Variants in GSTCD observed in about 807,000 individuals in gnomAD.
GSTCD encodes glutathione S-transferase C-terminal domain-containing protein.
Under a neutral mutation model 68.3 loss-of-function variants are expected in GSTCD, and 44 were observed. The ratio of observed to expected loss-of-function variants is 0.64; its 90% confidence interval spans 0.51 to 0.83. GSTCD has a LOEUF of 0.83. Ranked by LOEUF, GSTCD falls within the 40% of genes least tolerant of loss-of-function variation. The pLI is 0.00. For synonymous variants in GSTCD, 273 were observed against 255.2 expected (o/e 1.07, Z -0.67); for missense variants, 739 against 735.9 (o/e 1.00, Z -0.05).
chr4:105,782,328 T>C (rs1735305272), intron 5 of GSTCD, among the ~76,000 whole-genome samples: 2 of 152,066 alleles, frequency 1.3e-5, no homozygotes, highest in South Asian at 2.1e-4. Context: ...CAAGATCTCA[T>C]TTCTACAAAA....
chr4:105,828,927 T>C (rs544460250), intron 8 of GSTCD, among the ~76,000 whole-genome samples: 2 of 152,236 alleles, frequency 1.3e-5, no homozygotes, highest in African/African-American at 4.8e-5. Flanking sequence ...GTTTATTCTG[T>C]AGAAGAAACT....
chr4:105,832,331 G>A (rs1247482363), intron 8 of GSTCD, among the ~76,000 whole-genome samples: 1 of 152,056 alleles, frequency 6.6e-6, no homozygotes, highest in Admixed American at 6.5e-5. Context: ...AAAACTAGGA[G>A]CATGTGATGC....
At chr4:105,831,902 C>T (rs1302625790) in intron 8 of GSTCD, among the ~76,000 whole-genome samples, 1 of 152,124 alleles carries the variant, frequency 6.6e-6, no homozygotes, top group African/African-American at 2.4e-5. Context: ...CACCGTTGCA[C>T]TCCACCCTGG....
chr4:105,714,450 A>G (rs1307075341), intron 1 of GSTCD, among the ~76,000 whole-genome samples: 2 of 150,622 alleles, frequency 1.3e-5, no homozygotes, highest in Non-Finnish European at 2.9e-5. Context: ...CTAGAAAAGA[A>G]AAAAGAGGAA....
chr4:105,812,131 CT>C (rs1722777844), intron 5 of GSTCD, among the ~76,000 whole-genome samples: 1 of 152,124 alleles, frequency 6.6e-6, no homozygotes, highest in Admixed American at 6.5e-5. Flanking sequence ...TAATAGACAT[CT>C]TTCTGATAAA....
At chr4:105,756,788 A>G (rs1734213279) in intron 5 of GSTCD, among the ~76,000 whole-genome samples, 1 of 152,080 alleles carries the variant, frequency 6.6e-6, no homozygotes, top group African/African-American at 2.4e-5. Flanking sequence ...GAGAGACATT[A>G]GAGATCACCT....
intron 5 of GSTCD, among the ~76,000 whole-genome samples, chr4:105,791,370 G>A (rs1735665389): frequency 6.8e-6 from 1 of 147,820 alleles, no homozygotes; most frequent in African/African-American, 2.5e-5. Flanking sequence ...TCCAGCCTGG[G>A]CAACAGAGCG....
intron 5 of GSTCD, among the ~76,000 whole-genome samples, chr4:105,774,522 A>G (rs1283343811): frequency 2.0e-5 from 3 of 152,148 alleles, no homozygotes; most frequent in Non-Finnish European, 4.4e-5. Flanking sequence ...TGCTTCCTTC[A>G]GGAGCTCTTG....
rs1048287658 is a variant in GSTCD at position 105,717,958 on chromosome 4, A to G, written c.345A>G (p.Lys115=). 1.9e-6 allele frequency: 3 copies of G among 1,614,056 alleles called. No homozygotes were observed. The highest frequency in any genetic ancestry group is 2.5e-6 in the Non-Finnish European group (3 of 1,179,982). ...TTGTATTGAGACACATAATCCAGAA[A>G]TCCTATGAAGCAGACCCCTTAAAGA... ...LAVVLRHIIQ[K]SYEADPLKKE... The change falls in exon 2 of 12, where the codon AAA becomes AAG. Residue 115 remains lysine (K), a synonymous_variant. Transcript: ENST00000515279.
intron 8 of GSTCD, among the ~76,000 whole-genome samples, chr4:105,827,538 G>A (rs1231607931): frequency 6.6e-6 from 1 of 152,136 alleles, no homozygotes; most frequent in Admixed American, 6.6e-5. Flanking sequence ...GATTCACTCT[G>A]AAGAGAATAA....
At chr4:105,753,113 C>T (rs552531835) in intron 5 of GSTCD, 30 of 152,028 alleles carry the variant, frequency 2.0e-4, no homozygotes, top group Admixed American at 1.2e-3. Flanking sequence ...CCATTGATCA[C>T]AAATCCTGGA....
chr4:105,750,892 G>T (rs1182459132), intron 5 of GSTCD, among the ~76,000 whole-genome samples: 1 of 151,954 alleles, frequency 6.6e-6, no homozygotes, highest in Non-Finnish European at 1.5e-5. Flanking sequence ...GTCTGAAAAG[G>T]TTACCTATAC....
chr4:105,845,082 C>T (rs190722821), intron 11 of GSTCD, among the ~76,000 whole-genome samples: 1 of 152,250 alleles, frequency 6.6e-6, no homozygotes, highest in East Asian at 1.9e-4. Context: ...TTTTTTTCCA[C>T]ATTACAGATA....
At chr4:105,743,152 A>T (rs369280035) in intron 5 of GSTCD, among the ~76,000 whole-genome samples, 6 of 151,812 alleles carry the variant, frequency 4.0e-5, no homozygotes, top group African/African-American at 9.7e-5. Context: ...GGGTTTCACC[A>T]TGTTAGCCAG....
intron 3 of GSTCD, among the ~76,000 whole-genome samples, 194 bp from the exon 4 acceptor site, chr4:105,726,385 T>C (rs1007171223): frequency 2.0e-5 from 3 of 152,134 alleles, no homozygotes; most frequent in Non-Finnish European, 2.9e-5. Flanking sequence ...TGAGTGTAAA[T>C]GGTTACAAGG....
chr4:105,835,483 G>A lies in GSTCD; in HGVS notation c.1664+889G>A, dbSNP rs545002907. On this transcript the variant is annotated intron_variant, in intron 9 of 11. Coordinates refer to ENST00000515279, the MANE Select transcript of GSTCD (RefSeq NM_001370181.1). ...AGGCTGCAGCTGGACCAGGTGTACT[G>A]CAAGCAGCTTCCACTGTGAGCACTA... 2.8e-4 allele frequency among the ~76,000 whole-genome samples: 42 copies of A among 152,238 alleles called. 1 individual carries two copies. The South Asian group carries it at 8.5e-3, about 31-fold the overall frequency.
chr4:105,825,854 A>G, intron 8 of GSTCD, 54 bp downstream of exon 8: 2 of 1,128,494 alleles, frequency 1.8e-6, no homozygotes, highest in South Asian at 2.7e-5. Flanking sequence ...GAAAAATTAC[A>G]TGCCTTAGAG....
intron 3 of GSTCD, among the ~76,000 whole-genome samples, chr4:105,725,740 A>C (rs1490265707): frequency 6.6e-6 from 1 of 152,158 alleles, no homozygotes; most frequent in Non-Finnish European, 1.5e-5. Flanking sequence ...TATAAGACAC[A>C]TCACTAAAGA....
intron 5 of GSTCD, chr4:105,815,036 G>A (rs1722917648): frequency 6.6e-6 from 1 of 152,178 alleles, no homozygotes; most frequent in Non-Finnish European, 1.5e-5. Context: ...CTCATGTATA[G>A]GTAGGTGCCC....
Sources: gnomAD v4.1 joint callset for allele counts (sites outside exome capture counted in the v4.1 genomes callset) on GRCh38, gnomAD v4.1.1 for gene constraint, MANE v1.5 for transcripts, NCBI Gene and HGNC (gene_info 2026-07-23, HGNC 2026-07-21) for gene names.